Variants in CCDC171 observed in about 807,000 individuals in gnomAD.
The protein encoded by CCDC171 is coiled-coil domain containing 171.
A neutral mutation model predicts 168.2 loss-of-function variants in CCDC171; 177 were observed. That is an observed-to-expected ratio of 1.05 (90% CI 0.93 to 1.19). The LOEUF (loss-of-function observed/expected upper bound fraction) is 1.19. Among genes scored for constraint, CCDC171 ranks in the 50% most tolerant of loss-of-function variants. The probability of loss-of-function intolerance (pLI) is 0.00; values close to 1 mark genes in which losing one functional copy is unlikely to be tolerated. For synonymous variants in CCDC171, 687 were observed against 540.8 expected, an observed-to-expected ratio of 1.27 and a Z score of -3.75; for missense variants, 1,991 against 1,539.0, an observed-to-expected ratio of 1.29 and a Z score of -4.91.
At chr9:16,077,821 A>C in the CCDC171 span, among the ~76,000 whole-genome samples, 1 of 152,210 alleles carries the variant, frequency 6.6e-6, no homozygotes, top group Admixed American at 6.5e-5. Context: ...TGAGGGAGGC[A>C]TACACTTCTG....
chr9:15,626,835 T>A (rs1250437491), intron 7 of CCDC171, among the ~76,000 whole-genome samples: 2 of 152,226 alleles, frequency 1.3e-5, no homozygotes, highest in African/African-American at 2.4e-5. Context: ...CCTCATAAAA[T>A]GACTTAGGGA....
intron 21 of CCDC171, among the ~76,000 whole-genome samples, chr9:15,791,574 G>T (rs922357783): frequency 2.0e-4 from 31 of 152,194 alleles, no homozygotes; most frequent in Admixed American, 3.9e-4. Context: ...TTTCCTAATT[G>T]AATACCCTTT....
At chr9:15,628,739 C>T (rs973196747) in intron 7 of CCDC171, among the ~76,000 whole-genome samples, 5 of 152,328 alleles carry the variant, frequency 3.3e-5, no homozygotes, top group Admixed American at 2.6e-4. Context: ...AAGTGGGTCC[C>T]TGACCCCTGA....
At chr9:16,043,648 A>G (rs1339243255) in intron 1 of CCDC171, among the ~76,000 whole-genome samples, 1 of 152,206 alleles carries the variant, frequency 6.6e-6, no homozygotes, top group Non-Finnish European at 1.5e-5. Context: ...TTGAGGAGAG[A>G]CTAGTAAGTC....
intron 21 of CCDC171, among the ~76,000 whole-genome samples, chr9:15,824,252 G>T (rs138927636): frequency 2.6e-4 from 39 of 151,924 alleles, no homozygotes; most frequent in Admixed American, 2.5e-3. Flanking sequence ...AATAAATTAT[G>T]TATTTCACAT....
At chr9:15,927,025 AAAAT>A (rs1825970542) in intron 25 of CCDC171, among the ~76,000 whole-genome samples, 1 of 151,706 alleles carries the variant, frequency 6.6e-6, no homozygotes, top group Non-Finnish European at 1.5e-5. Context: ...CACCAGATAC[AAAAT>A]AAATATTCAT....
chr9:15,799,831 T>G (rs2058734964), intron 21 of CCDC171, among the ~76,000 whole-genome samples: 1 of 152,044 alleles, frequency 6.6e-6, no homozygotes, highest in Non-Finnish European at 1.5e-5. Context: ...TGAGTTCAAT[T>G]GTTTGGATTT....
At chr9:15,583,335 C>G (rs1480238764) in intron 4 of CCDC171, among the ~76,000 whole-genome samples, 1 of 149,160 alleles carries the variant, frequency 6.7e-6, no homozygotes, top group East Asian at 2.0e-4. Flanking sequence ...TAGCTTGAAC[C>G]TGGGAGGCAG....
intron 3 of CCDC171, 132 bp from the exon 4 acceptor site, chr9:15,578,717 T>G: frequency 1.9e-6 from 1 of 535,640 alleles, no homozygotes. Flanking sequence ...TTCCAGTGAT[T>G]CAGAATATAT....
At chr9:16,043,535 A>G (rs908286397) in intron 1 of CCDC171, among the ~76,000 whole-genome samples, 49 of 152,312 alleles carry the variant, frequency 3.2e-4, no homozygotes, top group African/African-American at 1.1e-3. Flanking sequence ...AAGCCCCACC[A>G]CAATATTTGT....
chr9:16,064,714 A>C (rs963132258), downstream of CCDC171, among the ~76,000 whole-genome samples: 1 of 152,220 alleles, frequency 6.6e-6, no homozygotes, highest in African/African-American at 2.4e-5. Context: ...TCATCTTAGC[A>C]GAGTAGTTAC....
chr9:15,694,614 T>A (rs1310420289), intron 10 of CCDC171, among the ~76,000 whole-genome samples: 1 of 152,218 alleles, frequency 6.6e-6, no homozygotes, highest in Non-Finnish European at 1.5e-5. Flanking sequence ...AACTCTTCTT[T>A]TTCTGCGTAC....
chr9:15,575,816 G>T (rs2040604810), intron 3 of CCDC171, among the ~76,000 whole-genome samples: 1 of 152,198 alleles, frequency 6.6e-6, no homozygotes, highest in African/African-American at 2.4e-5. Context: ...TACAGGATGG[G>T]TGCCATGGCT....
At chr9:15,621,000 C>G (rs1200177248) in intron 6 of CCDC171, among the ~76,000 whole-genome samples, 1 of 152,138 alleles carries the variant, frequency 6.6e-6, no homozygotes, top group Non-Finnish European at 1.5e-5. Context: ...GAGTCCTGCT[C>G]TCTCGCCCAG....
intron 9 of CCDC171, 67 bp downstream of exon 9, chr9:15,666,390 A>G (rs1328224587): frequency 2.7e-6 from 3 of 1,102,404 alleles, no homozygotes; most frequent in East Asian, 5.2e-5. Context: ...ATAAAATATG[A>G]ATGTATACTA....
chr9:15,594,738 T>C (rs1286111778), intron 6 of CCDC171, among the ~76,000 whole-genome samples: 1 of 152,132 alleles, frequency 6.6e-6, no homozygotes, highest in Non-Finnish European at 1.5e-5. Context: ...GGGAAAAGGC[T>C]GCAGGTCTCT....
chr9:15,925,058 G>A (rs1440526787), intron 25 of CCDC171, among the ~76,000 whole-genome samples: 1 of 151,450 alleles, frequency 6.6e-6, no homozygotes, highest in Non-Finnish European at 1.5e-5. Flanking sequence ...TTCTGTTCTT[G>A]GAGATATCAT....
At chr9:15,932,901 T>C (rs1397424480) in intron 25 of CCDC171, among the ~76,000 whole-genome samples, 1 of 152,002 alleles carries the variant, frequency 6.6e-6, no homozygotes, top group Non-Finnish European at 1.5e-5. Context: ...CAGTTATGGA[T>C]TTGTGTATAT....
chr9:15,653,800 A>G (rs2047715064), intron 7 of CCDC171, among the ~76,000 whole-genome samples: 1 of 152,090 alleles, frequency 6.6e-6, no homozygotes, highest in African/African-American at 2.4e-5. Flanking sequence ...ATTCTTTTAT[A>G]GAGATGCAGT....
Sources: allele counts gnomAD v4.1 joint callset (sites outside exome capture counted in the v4.1 genomes callset), GRCh38; gene constraint gnomAD v4.1.1; transcripts MANE v1.5; gene names NCBI Gene and HGNC (gene_info 2026-07-23, HGNC 2026-07-21).